L3MBTL1: variants seen among roughly 807,000 people sequenced by gnomAD.
L3MBTL1 encodes the protein L3MBTL histone methyl-lysine binding protein 1.
L3MBTL1 carries 75 observed loss-of-function variants against 105.3 expected under a neutral mutation model. The ratio of observed to expected loss-of-function variants is 0.71; its 90% confidence interval spans 0.59 to 0.86. The LOEUF (loss-of-function observed/expected upper bound fraction) is 0.86, where lower values mean the gene tolerates loss of function less well. L3MBTL1 is among the 40% of genes least tolerant of loss of function. The pLI is 0.00. For missense variants in L3MBTL1, 1,069 were observed against 1,126.4 expected, an observed-to-expected ratio of 0.95 and a Z score of 0.73; for synonymous variants, 452 against 436.2, an observed-to-expected ratio of 1.04 and a Z score of -0.45.
intron 19 of L3MBTL1, among the ~76,000 whole-genome samples, chr20:43,538,321 G>A (rs1214913753): frequency 1.3e-5 from 2 of 152,218 alleles, no homozygotes; most frequent in African/African-American, 2.4e-5. Context: ...GAATTCTTGG[G>A]AAGCTACATC....
In L3MBTL1 at chr20:43,515,122, T is replaced by C. The variant is rs779833134; in HGVS notation, c.616T>C (p.Ser206Pro). The change falls in exon 5 of 22, where the codon TCC (serine) becomes CCC (proline). Residue 206 changes from serine (S) to proline (P), a missense_variant. Coordinates refer to ENST00000418998, the MANE Select transcript of L3MBTL1 (RefSeq NM_001377303.1). ...CCAAGCCGCGGGTCCAGATCTTGGT[T>C]CCTCTAATGATGGCTGCCCTCAGCT... ...PHQAAGPDLG[S>P]SNDGCPQLFQ... is the part of the protein sequence containing the mutation. 3 of 1,614,110 alleles carry C rather than the reference T, an allele frequency of 1.9e-6. No homozygotes were observed. In the South Asian group the frequency reaches 3.3e-5, roughly 18 times the overall value.
chr20:43,539,072 G>C (rs55754827), intron 19 of L3MBTL1: 1 of 152,802 alleles, frequency 6.5e-6, no homozygotes, highest in African/African-American at 2.4e-5. Flanking sequence ...AGTGTGGTTG[G>C]TAGGGCTGAG....
intron 7 of L3MBTL1, among the ~76,000 whole-genome samples, chr20:43,522,456 AGTTTTTTTTTTTTTT>A (rs1164223186): frequency 8.9e-5 from 8 of 89,944 alleles, no homozygotes; most frequent in South Asian, 4.2e-4. Context: ...TTCCCTGCTA[AGTTTTTTTTTTTTTT>A]TTTTTTTTTT....
chr20:43,525,945 A>T (rs1018530196), intron 7 of L3MBTL1, among the ~76,000 whole-genome samples: 1 of 152,212 alleles, frequency 6.6e-6, no homozygotes, highest in African/African-American at 2.4e-5. Context: ...TGGTAAACTG[A>T]AGAATGTATA....
rs538952630 is a variant in L3MBTL1, at chr20:43,524,599, T to TTCATCCATCCATCCAC, written c.863-4042_863-4027dup. On this transcript the variant is annotated intron_variant, in intron 7 of 21. Coordinates refer to ENST00000418998, the MANE Select transcript of L3MBTL1 (RefSeq NM_001377303.1). Reference sequence around the variant, plus strand: ...GTTCCATGGGGTAGATGGGATGATATTCATCCATCCATCCACTCATCCATC... The same window carrying TTCATCCATCCATCCAC: ...GTTCCATGGGGTAGATGGGATGATATTCATCCATCCATCCACTCATCCATCCATCCACTCATCCATC... 3.5e-3 allele frequency among the ~76,000 whole-genome samples: 530 copies of TTCATCCATCCATCCAC among 152,328 alleles called. 1 individual carries two copies. The highest frequency in any genetic ancestry group is 5.9e-3 in the Non-Finnish European group (400 of 68,020).
At chr20:43,534,598 G>T (rs889525575) in intron 15 of L3MBTL1, 2 of 611,278 alleles carry the variant, frequency 3.3e-6, no homozygotes, top group Admixed American at 2.9e-5. Flanking sequence ...TGTAAAATGG[G>T]CCTAATAATC....
rs2019929536 is a variant in L3MBTL1 at position 43,541,829 on chromosome 20, C to A, written c.*701C>A. Reference sequence around the variant, plus strand: ...AATATTATGGAGGAATATGTAGATCCAATCACTTTACCTATACAAAATGAC... The same window carrying A: ...AATATTATGGAGGAATATGTAGATCAAATCACTTTACCTATACAAAATGAC... On this transcript the variant is annotated 3_prime_UTR_variant, in exon 22 of 22. Transcript: ENST00000418998. 3.0e-6 allele frequency: 3 copies of A among 984,742 alleles called. No individual in the cohort carries two copies. The highest frequency in any genetic ancestry group is 6.1e-5 in the Admixed American group (1 of 16,270). 61.0% of individuals were successfully genotyped at this position (984,742 alleles called of 1,614,324 possible).
At chr20:43,545,738 G>T (rs1242892769), downstream of L3MBTL1, among the ~76,000 whole-genome samples, 3 of 152,228 alleles carry the variant, frequency 2.0e-5, no homozygotes, top group African/African-American at 7.2e-5. Flanking sequence ...GGTGTGTTTG[G>T]CTACTAGACT....
At chr20:43,536,333 G>T in intron 18 of L3MBTL1, 39 bp downstream of exon 18, 1 of 1,612,160 alleles carries the variant, frequency 6.2e-7, no homozygotes, top group Non-Finnish European at 8.5e-7. Flanking sequence ...GCTTCCTGGG[G>T]GTGTGGGGCC....
chr20:43,540,290 C>T lies in L3MBTL1; in HGVS notation c.2313C>T (p.Ala771=), dbSNP rs1210166533. Residue 771 remains alanine (A), a synonymous_variant, in exon 20 of 22, where the codon GCC becomes GCT. Transcript: ENST00000418998. ...CGGGCATCTCAGCCTCGACAGTCGCCAAGTGGACCATCGATGAGGTGAGGA... is the reference window on the plus strand; with the variant it reads ...CGGGCATCTCAGCCTCGACAGTCGCTAAGTGGACCATCGATGAGGTGAGGA... ...GVAGISASTV[A]KWTIDEVFGF... The T allele has an allele frequency of 6.2e-7, 1 of 1,613,748 alleles. No homozygotes were observed. The highest frequency in any genetic ancestry group is 8.5e-7 in the Non-Finnish European group (1 of 1,180,022).
intron 19 of L3MBTL1, among the ~76,000 whole-genome samples, chr20:43,537,334 T>C (rs2019682291): frequency 6.6e-6 from 1 of 152,210 alleles, no homozygotes; most frequent in Non-Finnish European, 1.5e-5. Flanking sequence ...TTCTGAAGCT[T>C]CCCTCCTTGG....
intron 7 of L3MBTL1, among the ~76,000 whole-genome samples, chr20:43,522,991 C>G (rs2018814334): frequency 6.6e-6 from 1 of 151,488 alleles, no homozygotes; most frequent in African/African-American, 2.4e-5. Context: ...GCCTGTAATC[C>G]CAGCTACTCA....
intron 7 of L3MBTL1, among the ~76,000 whole-genome samples, chr20:43,527,323 T>G (rs1055425750): frequency 6.6e-6 from 1 of 152,258 alleles, no homozygotes; most frequent in Non-Finnish European, 1.5e-5. Context: ...TGTTACGTCT[T>G]TAGTTGTCTG....
intron 7 of L3MBTL1, among the ~76,000 whole-genome samples, chr20:43,524,537 G>A (rs114203307): frequency 0.013 from 1,954 of 152,288 alleles, 44 homozygotes; most frequent in African/African-American, 0.045. Context: ...ACAAGGGGCT[G>A]TCACAGAACA....
chr20:43,533,925 C>A, intron 13 of L3MBTL1, 83 bp from the exon 14 acceptor site: 2 of 955,154 alleles, frequency 2.1e-6, no homozygotes, highest in Non-Finnish European at 3.4e-6. Context: ...TCTGTCCCTT[C>A]CATGTTCCTG....
In L3MBTL1 at chr20:43,528,808, C is replaced by G. The variant is rs2019171436; in HGVS notation, c.951+63C>G. ...TCCTAGCCTAGGGACACACCACCAA[C>G]CTCAGGCCTTCTGGCGTTTTCTGTG... On this transcript the variant is annotated intron_variant, in intron 8 of 21. Transcript: ENST00000418998. 7 of 1,271,278 alleles carry G rather than the reference C, an allele frequency of 5.5e-6. No homozygotes were observed. The East Asian group carries it at 1.6e-4, about 30-fold the overall frequency. 78.7% of individuals were successfully genotyped at this position (1,271,278 alleles called of 1,614,324 possible). A position where few individuals can be genotyped will look rare whatever the true frequency, so the allele number is the denominator to read the frequency against.
rs371879010 is a variant in L3MBTL1 at position 43,534,890 on chromosome 20, C to T, written c.1773C>T (p.Ile591=). 5 of 1,609,956 alleles carry T rather than the reference C, an allele frequency of 3.1e-6. No individual in the cohort carries two copies. The highest frequency in any genetic ancestry group is 4.2e-6 in the Non-Finnish European group (5 of 1,179,766). The change falls in exon 16 of 22, where the codon ATC becomes ATT. Residue 591 remains isoleucine (I), a synonymous_variant. Transcript: ENST00000418998. ...DFWIDADHPD[I]HPAGWCSKTG... is the part of the protein sequence containing the mutation. ...GGATCGACGCTGACCACCCAGACAT[C>T]CACCCTGCCGGCTGGTGCTCCAAGA...
Position 43,515,315 on chromosome 20 carries a change from C to T in L3MBTL1, c.677C>T (p.Ser226Leu), listed in dbSNP as rs950235582. Reference protein sequence around the residue: ...QERSVIVENSSGSTSASELLK... With the variant: ...QERSVIVENSLGSTSASELLK... ...AGGTCAGTCATAGTGGAGAACTCCT[C>T]AGGCTCTACCAGCGCTTCTGAGCTC... Residue 226 changes from serine (S) to leucine (L), a missense_variant, in exon 6 of 22, where the codon TCA becomes TTA. Coordinates refer to ENST00000418998, the MANE Select transcript of L3MBTL1 (RefSeq NM_001377303.1). The T allele has an allele frequency of 2.5e-6, 4 of 1,597,072 alleles. No homozygotes were observed. In the Admixed American group the frequency reaches 5.2e-5, roughly 21 times the overall value.
intron 7 of L3MBTL1, among the ~76,000 whole-genome samples, chr20:43,521,957 A>G (rs1315369256): frequency 6.6e-6 from 1 of 152,218 alleles, no homozygotes; most frequent in Non-Finnish European, 1.5e-5. Context: ...GATATCCTAA[A>G]TATCATAAGA....
Sources: gnomAD v4.1 joint callset for allele counts (sites outside exome capture counted in the v4.1 genomes callset) on GRCh38, gnomAD v4.1.1 for gene constraint, MANE v1.5 for transcripts, NCBI Gene and HGNC (gene_info 2026-07-23, HGNC 2026-07-21) for gene names.